TOX: variants seen among roughly 807,000 people sequenced by gnomAD.
TOX encodes thymocyte selection-associated high mobility group box protein TOX.
Under a neutral mutation model 53.7 loss-of-function variants are expected in TOX, and 11 were observed. The ratio of observed to expected loss-of-function variants is 0.20; its 90% confidence interval spans 0.13 to 0.34. The LOEUF is 0.34. Ranked by LOEUF, TOX falls within the 10% of genes least tolerant of loss-of-function variation. The probability of loss-of-function intolerance (pLI) is 1.00; values close to 1 mark genes in which losing one functional copy is unlikely to be tolerated. For synonymous variants in TOX, 225 were observed against 245.3 expected (o/e 0.92, Z 0.77); for missense variants, 570 against 664.6 (o/e 0.86, Z 1.56).
At chr8:59,089,642 C>T (rs781655920) in intron 1 of TOX, among the ~76,000 whole-genome samples, 16 of 152,222 alleles carry the variant, frequency 1.1e-4, no homozygotes, top group Non-Finnish European at 1.9e-4. Context: ...CTAGGCTGGA[C>T]GGCAGTCGTC....
At chr8:58,960,705 AAG>A (rs1812784011) in intron 1 of TOX, among the ~76,000 whole-genome samples, 1 of 152,224 alleles carries the variant, frequency 6.6e-6, no homozygotes, top group Non-Finnish European at 1.5e-5. Context: ...GGATGAAAGA[AAG>A]AAATTCGCAG....
chr8:59,061,886 C>T (rs1437651182), intron 1 of TOX, among the ~76,000 whole-genome samples: 6 of 152,072 alleles, frequency 3.9e-5, no homozygotes, highest in Admixed American at 6.6e-5. Flanking sequence ...AGGGGAGTGA[C>T]GCCCCTCCAT....
chr8:58,857,764 A>G (rs1294676841), intron 3 of TOX, among the ~76,000 whole-genome samples: 2 of 151,362 alleles, frequency 1.3e-5, no homozygotes, highest in Admixed American at 1.3e-4. Flanking sequence ...CTTTCCTTTG[A>G]TTTTCTTTCT....
intron 7 of TOX, among the ~76,000 whole-genome samples, chr8:58,809,893 A>G (rs1196900481): frequency 1.3e-5 from 2 of 152,162 alleles, no homozygotes; most frequent in African/African-American, 2.4e-5. Context: ...TCAATAAATC[A>G]TGTTTTTCAT....
At chr8:59,037,142 C>T (rs1430167416) in intron 1 of TOX, among the ~76,000 whole-genome samples, 1 of 150,008 alleles carries the variant, frequency 6.7e-6, no homozygotes, top group Non-Finnish European at 1.5e-5. Context: ...ACCCAACTAT[C>T]AGAAGCTCCA....
chr8:58,884,884 T>C (rs956817485), intron 3 of TOX, among the ~76,000 whole-genome samples: 2 of 152,164 alleles, frequency 1.3e-5, no homozygotes, highest in Non-Finnish European at 2.9e-5. Flanking sequence ...TGTAAATACA[T>C]TTCCAAGCAT....
intron 1 of TOX, among the ~76,000 whole-genome samples, chr8:59,010,985 T>C (rs1163357120): frequency 6.6e-6 from 1 of 152,184 alleles, no homozygotes; most frequent in East Asian, 1.9e-4. Flanking sequence ...CATCCTTGCT[T>C]TGGGAAATGA....
chr8:59,116,588 A>C (rs748510956), intron 1 of TOX, among the ~76,000 whole-genome samples: 1 of 152,220 alleles, frequency 6.6e-6, no homozygotes, highest in Non-Finnish European at 1.5e-5. Flanking sequence ...TATCCAGTAC[A>C]TTTAATATAA....
chr8:59,047,068 G>C (rs967809313), intron 1 of TOX, among the ~76,000 whole-genome samples: 1 of 152,042 alleles, frequency 6.6e-6, no homozygotes, highest in Non-Finnish European at 1.5e-5. Flanking sequence ...TGTGTCCATG[G>C]AGAAAGGGAA....
intron 6 of TOX, among the ~76,000 whole-genome samples, chr8:58,820,277 T>TA (rs11457153): frequency 0.43 from 63,850 of 147,668 alleles, 14,986 homozygotes; most frequent in African/African-American, 0.66. Flanking sequence ...TTCTGTACGT[T>TA]AAAAAAAAAA....
intron 2 of TOX, among the ~76,000 whole-genome samples, chr8:58,945,262 G>T (rs1395339313): frequency 6.6e-6 from 1 of 152,208 alleles, no homozygotes; most frequent in Non-Finnish European, 1.5e-5. Context: ...TAACATACTG[G>T]CTGTGTCCTT....
intron 1 of TOX, among the ~76,000 whole-genome samples, chr8:58,970,505 C>T (rs1295590890): frequency 6.6e-6 from 1 of 152,192 alleles, no homozygotes; most frequent in Non-Finnish European, 1.5e-5. Flanking sequence ...CATGCAGAAA[C>T]TTGAAGTCTC....
intron 1 of TOX, among the ~76,000 whole-genome samples, chr8:59,026,122 G>GTTT (rs5891707): frequency 1.8e-4 from 27 of 150,622 alleles, no homozygotes; most frequent in Non-Finnish European, 2.2e-4. Context: ...TTAATTTTAT[G>GTTT]TTTTTTTTTT....
intron 3 of TOX, among the ~76,000 whole-genome samples, chr8:58,903,810 T>C (rs1585891349): frequency 6.6e-6 from 1 of 152,200 alleles, no homozygotes; most frequent in African/African-American, 2.4e-5. Context: ...GGCTTAGAGA[T>C]ATTTAATTAA....
In TOX at chr8:59,118,171, G is replaced by A. The variant is rs1052901370; in HGVS notation, c.102+715C>T. Among the ~76,000 whole-genome samples the A allele has an allele frequency of 6.6e-6, 1 of 152,190 alleles. No individual in the cohort carries two copies. The highest frequency in any genetic ancestry group is 2.4e-5 in the African/African-American group (1 of 41,458). On this transcript the variant is annotated intron_variant, in intron 1 of 8. Transcript: ENST00000361421. The surrounding 1 kb of genome is among the most constrained non-coding windows in gnomAD (Gnocchi z 4.1). ...GCCGCGGACCCTGCTCCGCGAGTGCGGGAGCTTTGGACTTGAACGCGACGT... is the reference window on the plus strand; with the variant it reads ...GCCGCGGACCCTGCTCCGCGAGTGCAGGAGCTTTGGACTTGAACGCGACGT...
At chr8:58,808,376 G>C in intron 7 of TOX, 107 bp from the exon 8 acceptor site, 1 of 1,394,094 alleles carries the variant, frequency 7.2e-7, no homozygotes, top group Non-Finnish European at 9.5e-7. Flanking sequence ...TCTTGCTTCT[G>C]TCTCTGCAAG....
At chr8:58,836,121 G>A (rs1810540346) in intron 5 of TOX, among the ~76,000 whole-genome samples, 1 of 152,194 alleles carries the variant, frequency 6.6e-6, no homozygotes, top group African/African-American at 2.4e-5. Flanking sequence ...CTTACTGGAG[G>A]AGACAGCGAG....
At chr8:58,992,845 T>G (rs767653161) in intron 1 of TOX, 2 of 152,202 alleles carry the variant, frequency 1.3e-5, no homozygotes, top group Non-Finnish European at 2.9e-5. Context: ...AAGAAATGAT[T>G]TTTCTCTGTT....
At chr8:58,959,771 C>T (rs1812770871) in intron 2 of TOX, among the ~76,000 whole-genome samples, 172 bp downstream of exon 2, 1 of 152,130 alleles carries the variant, frequency 6.6e-6, no homozygotes. Context: ...CCAACTCTGG[C>T]GTTTTATCAG....
Sources: allele counts gnomAD v4.1 joint callset (sites outside exome capture counted in the v4.1 genomes callset), GRCh38; gene constraint gnomAD v4.1.1; non-coding constraint Gnocchi (gnomAD v3.1); transcripts MANE v1.5; gene names NCBI Gene and HGNC (gene_info 2026-07-23, HGNC 2026-07-21).